The following ULK4 variants were observed in gnomAD, a reference collection of about 807,000 sequenced individuals.
ULK4 encodes the protein unc-51 like kinase 4.
Under a neutral mutation model 160.6 loss-of-function variants are expected in ULK4, and 133 were observed. That is an observed-to-expected ratio of 0.83 (90% CI 0.72 to 0.96). The LOEUF (loss-of-function observed/expected upper bound fraction) is 0.96, where lower values mean the gene tolerates loss of function less well. Ranked by LOEUF, ULK4 falls within the 40% of genes least tolerant of loss-of-function variation. The pLI is 0.00. For synonymous variants in ULK4, 534 were observed against 539.8 expected, an observed-to-expected ratio of 0.99 and a Z score of 0.15; for missense variants, 1,580 against 1,499.5, an observed-to-expected ratio of 1.05 and a Z score of -0.89.
chr3:41,722,136 A>G (rs1381764097), intron 22 of ULK4, among the ~76,000 whole-genome samples: 1 of 152,148 alleles, frequency 6.6e-6, no homozygotes, highest in Non-Finnish European at 1.5e-5. Flanking sequence ...AATGCGGTAA[A>G]TTCTCAGGAA....
chr3:41,901,323 G>A (rs1405392876), intron 12 of ULK4, among the ~76,000 whole-genome samples: 1 of 150,550 alleles, frequency 6.6e-6, no homozygotes. Flanking sequence ...GGGACTACAG[G>A]CGCCTGCCAC....
chr3:41,566,813 AAATTAAGC>A (rs1256587279), intron 31 of ULK4, among the ~76,000 whole-genome samples: 3 of 152,200 alleles, frequency 2.0e-5, no homozygotes, highest in Admixed American at 6.5e-5. Flanking sequence ...ATATTTTTTA[AAATTAAGC>A]AATTAACACA....
At chr3:41,913,976 G>A (rs772427290) in intron 8 of ULK4, among the ~76,000 whole-genome samples, 3 of 152,110 alleles carry the variant, frequency 2.0e-5, no homozygotes, top group African/African-American at 7.2e-5. Flanking sequence ...GAGGGGGTGC[G>A]GCGGTGGGAG....
intron 35 of ULK4, among the ~76,000 whole-genome samples, chr3:41,389,456 CA>C (rs1461846659): frequency 1.3e-5 from 2 of 152,140 alleles, no homozygotes; most frequent in African/African-American, 4.8e-5. Context: ...TGCCAGTTTT[CA>C]AAGGGAATGC....
intron 16 of ULK4, among the ~76,000 whole-genome samples, chr3:41,893,393 T>C (rs1434933784): frequency 3.3e-5 from 5 of 152,206 alleles, no homozygotes; most frequent in Non-Finnish European, 5.9e-5. Context: ...GATAAAAGGA[T>C]ATACAATTTG....
chr3:41,670,389 A>C (rs947573158), intron 29 of ULK4, among the ~76,000 whole-genome samples: 14 of 152,162 alleles, frequency 9.2e-5, no homozygotes, highest in African/African-American at 3.1e-4. Flanking sequence ...AAATTAAACA[A>C]TGGTTAACTT....
At chr3:41,706,807 G>A (rs56360625) in intron 25 of ULK4, among the ~76,000 whole-genome samples, 15,135 of 139,072 alleles carry the variant, frequency 0.11, 2,202 homozygotes, top group African/African-American at 0.33. Context: ...CAGCCTGGCC[G>A]ACAGAGCGAG....
chr3:41,638,824 T>C (rs996851348), intron 30 of ULK4, among the ~76,000 whole-genome samples: 2 of 152,244 alleles, frequency 1.3e-5, no homozygotes, highest in Admixed American at 6.5e-5. Context: ...TTACATTCCA[T>C]TCAGTCAGGC....
intron 31 of ULK4, among the ~76,000 whole-genome samples, chr3:41,614,015 G>A (rs2032833946): frequency 6.6e-6 from 1 of 152,150 alleles, no homozygotes; most frequent in African/African-American, 2.4e-5. Flanking sequence ...ATTTAAAAAT[G>A]GTTTGTAAAA....
chr3:41,746,288 AAAAAAAAAC>A (rs1437845593), intron 22 of ULK4, among the ~76,000 whole-genome samples: 94 of 148,980 alleles, frequency 6.3e-4, no homozygotes, highest in Middle Eastern at 6.8e-3. Flanking sequence ...AAAAAAAAAA[AAAAAAAAAC>A]CACCTACAAC....
chr3:41,794,660 CAAAAAAAAAAA>C (rs71075484), intron 20 of ULK4, among the ~76,000 whole-genome samples: 24 of 18,990 alleles, frequency 1.3e-3, no homozygotes, highest in African/African-American at 3.7e-3. Context: ...GACTCTGTCT[CAAAAAAAAAAA>C]AAAAAAAAAA....
chr3:41,889,130 A>C (rs1697828166), intron 16 of ULK4, among the ~76,000 whole-genome samples: 1 of 151,926 alleles, frequency 6.6e-6, no homozygotes, highest in Non-Finnish European at 1.5e-5. Flanking sequence ...GTAAGAATAC[A>C]ATGTTTATAA....
At chr3:41,402,381 C>T (rs191107691) in intron 34 of ULK4, among the ~76,000 whole-genome samples, 1 of 152,262 alleles carries the variant, frequency 6.6e-6, no homozygotes, top group East Asian at 1.9e-4. Context: ...TAGTTAGAAC[C>T]TCCACTAAGA....
At chr3:41,540,099 T>C (rs2086642586) in intron 32 of ULK4, among the ~76,000 whole-genome samples, 1 of 152,140 alleles carries the variant, frequency 6.6e-6, no homozygotes, top group Admixed American at 6.5e-5. Flanking sequence ...CTTTAAGTTC[T>C]GGGGTACAAG....
intron 21 of ULK4, among the ~76,000 whole-genome samples, chr3:41,776,455 T>C (rs1559545968): frequency 6.6e-6 from 1 of 150,636 alleles, no homozygotes; most frequent in Non-Finnish European, 1.5e-5. Flanking sequence ...CACTCAAATG[T>C]CAACAAAAAA....
chr3:41,262,818 A>G (rs2078969899), intron 35 of ULK4, among the ~76,000 whole-genome samples: 1 of 152,224 alleles, frequency 6.6e-6, no homozygotes, highest in African/African-American at 2.4e-5. Context: ...ATTAAGTCCC[A>G]TAAGTCTAAA....
At chr3:41,274,063 A>AC (rs1345394999) in intron 35 of ULK4, among the ~76,000 whole-genome samples, 1 of 152,002 alleles carries the variant, frequency 6.6e-6, no homozygotes, top group Non-Finnish European at 1.5e-5. Context: ...AACTAAAGAC[A>AC]CCCTCCATAT....
chr3:41,957,826 G>C (rs914152908), intron 1 of ULK4, among the ~76,000 whole-genome samples: 2 of 152,094 alleles, frequency 1.3e-5, no homozygotes, highest in African/African-American at 4.8e-5. Context: ...TTGACGCCGG[G>C]AGTTTGACAC....
chr3:41,497,304 C>A (rs2085029630), intron 32 of ULK4, among the ~76,000 whole-genome samples: 1 of 151,888 alleles, frequency 6.6e-6, no homozygotes, highest in African/African-American at 2.4e-5. Flanking sequence ...GAAAATAGAT[C>A]TATAGAAATT....
Sources: allele counts gnomAD v4.1 joint callset (sites outside exome capture counted in the v4.1 genomes callset), GRCh38; gene constraint gnomAD v4.1.1; transcripts MANE v1.5; gene names NCBI Gene and HGNC (gene_info 2026-07-23, HGNC 2026-07-21).